The following APOBEC3C variants were observed in gnomAD, a reference collection of about 807,000 sequenced individuals.
APOBEC3C encodes the protein apolipoprotein B mRNA editing enzyme catalytic subunit 3C.
Under a neutral mutation model 20.6 loss-of-function variants are expected in APOBEC3C, and 14 were observed. The ratio of observed to expected loss-of-function variants is 0.68; its 90% CI spans 0.45 to 1.06. APOBEC3C has a LOEUF of 1.06. APOBEC3C is among the 50% of genes least tolerant of loss of function. The pLI, the probability that APOBEC3C is intolerant of heterozygous loss-of-function variation, is 0.00. For missense variants in APOBEC3C, 244 were observed against 241.9 expected, an observed-to-expected ratio of 1.01 and a Z score of -0.06; for synonymous variants, 98 against 88.8, an observed-to-expected ratio of 1.10 and a Z score of -0.58.
intron 1 of APOBEC3C, 62 bp from the exon 2 acceptor site, chr22:39,015,533 A>G: frequency 6.4e-7 from 1 of 1,567,286 alleles, no homozygotes; most frequent in Non-Finnish European, 8.7e-7. Context: ...TTCAGTGGGC[A>G]TCAGCCCTGA....
At position 39,019,795 on chromosome 22, in the gene APOBEC3C, CA is replaced by C. The variant is rs1924959612; in HGVS notation, c.*1409del. ...CTGGGATCTCTCTGCCTCCAAATAT[CA>C]TCTTTTTTTTTTTTTTTTTTTTTTT... On this transcript the variant is annotated 3_prime_UTR_variant, in exon 4 of 4. Coordinates refer to ENST00000361441, the MANE Select transcript of APOBEC3C (RefSeq NM_014508.3). 9.9e-6 allele frequency: 1 copy of C among 101,516 alleles called. No individual in the cohort carries two copies. 6.3% of individuals were successfully genotyped at this position (101,516 alleles called of 1,614,324 possible). A position where few individuals can be genotyped will look rare whatever the true frequency, so the allele number is the denominator to read the frequency against.
Position 39,015,681 on chromosome 22 carries a change from T to C in APOBEC3C, c.104T>C (p.Leu35Pro), listed in dbSNP as rs532673397. ...WEANDRNETWLCFTVEGIKRR... is the reference protein window; with the variant it reads ...WEANDRNETWPCFTVEGIKRR... ...GCCAACGATCGGAACGAAACTTGGC[T>C]GTGCTTCACCGTGGAAGGTATAAAG... The change falls in exon 2 of 4, where the codon CTG becomes CCG. Residue 35 changes from leucine (L) to proline (P), a missense_variant. Coordinates refer to ENST00000361441, the MANE Select transcript of APOBEC3C (RefSeq NM_014508.3). 8 of 1,614,162 alleles carry C rather than the reference T, an allele frequency of 5.0e-6. No individual in the cohort carries two copies. The Admixed American group carries it at 6.7e-5, about 13-fold the overall frequency.
chr22:39,014,848 G>C (rs1924725319), intron 1 of APOBEC3C, among the ~76,000 whole-genome samples: 1 of 152,168 alleles, frequency 6.6e-6, no homozygotes, highest in African/African-American at 2.4e-5. Context: ...CTCTGTACCA[G>C]AAAATAAGTC....
At chr22:39,015,487 G>A (rs779062792) in intron 1 of APOBEC3C, 108 bp from the exon 2 acceptor site, 13 of 1,285,270 alleles carry the variant, frequency 1.0e-5, no homozygotes, top group African/African-American at 1.5e-5. Context: ...GAGGGATGGG[G>A]GAGGCCCAGA....
chr22:39,016,302 C>A (rs1924781953), intron 2 of APOBEC3C, among the ~76,000 whole-genome samples: 1 of 151,434 alleles, frequency 6.6e-6, no homozygotes. Flanking sequence ...CGGGTTCACG[C>A]CATTCTCCTG....
intron 1 of APOBEC3C, among the ~76,000 whole-genome samples, chr22:39,014,823 G>C (rs1341244577): frequency 1.3e-5 from 2 of 152,118 alleles, no homozygotes; most frequent in African/African-American, 4.8e-5. Flanking sequence ...GAGAGGGTGT[G>C]GGGGAGGGAA....
chr22:39,015,544 G>A (rs1924747141), intron 1 of APOBEC3C, 51 bp from the exon 2 acceptor site: 1 of 1,591,816 alleles, frequency 6.3e-7, no homozygotes, highest in Non-Finnish European at 8.6e-7. Context: ...TCAGCCCTGA[G>A]GACTCCGGTG....
chr22:39,017,855 C>G lies in APOBEC3C; in HGVS notation c.264C>G (p.Val88=), dbSNP rs755884617. ...TGTCTCCTAACACAAAGTACCAGGT[C>G]ACCTGGTACACATCTTGGAGCCCTT... The part of the protein sequence containing the change: ...DILSPNTKYQ[V]TWYTSWSPCP... The change falls in exon 3 of 4, where the codon GTC becomes GTG. Residue 88 remains valine, a synonymous_variant. Transcript: ENST00000361441. The G allele has an allele frequency of 6.2e-7, 1 of 1,614,170 alleles. No homozygotes were observed. The highest frequency in any genetic ancestry group is 1.1e-5 in the South Asian group (1 of 91,084).
At chr22:39,015,557 G>A in intron 1 of APOBEC3C, 38 bp from the exon 2 acceptor site, 2 of 1,605,036 alleles carry the variant, frequency 1.2e-6, no homozygotes, top group South Asian at 1.1e-5. Context: ...CTCCGGTGCG[G>A]GGGTCTCTGC....
chr22:39,018,523 T>C lies in APOBEC3C; in HGVS notation c.*136T>C. Reference sequence around the variant, plus strand: ...TCCTGGCCTCAGGGCCATTCCACAGTGCTCCCCTGCCTCACCGCTTCCTCC... The same window carrying C: ...TCCTGGCCTCAGGGCCATTCCACAGCGCTCCCCTGCCTCACCGCTTCCTCC... On this transcript the variant is annotated 3_prime_UTR_variant, in exon 4 of 4. Transcript: ENST00000361441. The C allele has an allele frequency of 9.7e-7, 1 of 1,026,280 alleles. No individual in the cohort carries two copies. The highest frequency in any genetic ancestry group is 1.4e-6 in the Non-Finnish European group (1 of 699,476). The allele number at this position is 1,026,280 out of a possible 1,614,324, so 63.6% of individuals were successfully genotyped here.
Position 39,020,090 on chromosome 22 carries a change from C to A in APOBEC3C, c.*1703C>A. The A allele has an allele frequency of 6.6e-6, 1 of 152,290 alleles. No individual in the cohort carries two copies. Among genetic ancestry groups the A allele is most frequent in the African/African-American group, 2.4e-5 (1 of 41,562 alleles). 9.4% of individuals were successfully genotyped at this position (152,290 alleles called of 1,614,324 possible). A position where few individuals can be genotyped will look rare whatever the true frequency, so the allele number is the denominator to read the frequency against. On this transcript the variant is annotated 3_prime_UTR_variant, in exon 4 of 4. Transcript: ENST00000361441. Reference sequence around the variant, plus strand: ...GGATTACAGGCATCAGCCACTATGCCCGGCTGGGATCATATGTTCCACACA... The same window carrying A: ...GGATTACAGGCATCAGCCACTATGCACGGCTGGGATCATATGTTCCACACA...
intron 2 of APOBEC3C, 132 bp from the exon 3 acceptor site, chr22:39,017,634 C>A (rs1331317171): frequency 1.2e-5 from 14 of 1,205,400 alleles, no homozygotes; most frequent in Non-Finnish European, 1.4e-5. Flanking sequence ...AGAGAGAGAC[C>A]CTGTCTCAAA....
chr22:39,017,664 G>C (rs1347456645), intron 2 of APOBEC3C, 102 bp from the exon 3 acceptor site: 1 of 1,418,808 alleles, frequency 7.0e-7, no homozygotes, highest in Non-Finnish European at 9.6e-7. Flanking sequence ...ATAAGGAAAC[G>C]GCCCGGGGCT....
intron 1 of APOBEC3C, among the ~76,000 whole-genome samples, 177 bp downstream of exon 1, chr22:39,014,556 ACTGCTG>A (rs1334216576): frequency 6.7e-6 from 1 of 148,542 alleles, no homozygotes. Flanking sequence ...TGGTCCCACG[ACTGCTG>A]CTTCTGAATG....
At chr22:39,014,518 TC>T in intron 1 of APOBEC3C, 139 bp downstream of exon 1, 1 of 925,086 alleles carries the variant, frequency 1.1e-6, no homozygotes, top group Non-Finnish European at 1.5e-6. Context: ...CTGCCCCCAC[TC>T]CCAGCCAAGC....
At chr22:39,016,382 T>TTTC (rs1491344035) in intron 2 of APOBEC3C, among the ~76,000 whole-genome samples, 1 of 16,676 alleles carries the variant, frequency 6.0e-5, no homozygotes, top group African/African-American at 2.4e-4. Flanking sequence ...TCTTTTTTTC[T>TTTC]TTTTTTTTTT....
Position 39,017,819 on chromosome 22 carries a change from C to G in APOBEC3C, c.228C>G (p.Cys76Trp). ...HAERCFLSWF[C>W]DDILSPNTKY... ...AAAGGTGCTTCCTCTCTTGGTTCTG[C>G]GACGACATACTGTCTCCTAACACAA... Residue 76 changes from cysteine to tryptophan, a missense_variant, in exon 3 of 4, where the codon TGC becomes TGG. Cys to Trp is a radical substitution (Grantham distance 215). Transcript: ENST00000361441. 1 of 1,613,976 alleles carries G rather than the reference C, an allele frequency of 6.2e-7. No individual in the cohort carries two copies. Among genetic ancestry groups the G allele is most frequent in the East Asian group, 2.2e-5 (1 of 44,874 alleles).
intron 3 of APOBEC3C, 30 bp from the exon 4 acceptor site, chr22:39,018,239 C>T (rs781515707): frequency 9.3e-6 from 15 of 1,607,050 alleles, no homozygotes; most frequent in Non-Finnish European, 1.2e-5. Flanking sequence ...CCTGCTGGGC[C>T]CTCACTGTTT....
At chr22:39,016,837 A>T (rs576526963) in intron 2 of APOBEC3C, among the ~76,000 whole-genome samples, 3 of 152,340 alleles carry the variant, frequency 2.0e-5, no homozygotes, top group East Asian at 3.9e-4. Flanking sequence ...GAGCCAGGCC[A>T]TAGCAGGGGC....
Sources: allele counts gnomAD v4.1 joint callset (sites outside exome capture counted in the v4.1 genomes callset), GRCh38; gene constraint gnomAD v4.1.1; transcripts MANE v1.5; gene names NCBI Gene and HGNC (gene_info 2026-07-23, HGNC 2026-07-21).